Variants in PRR33 observed in about 807,000 individuals in gnomAD.
PRR33 encodes proline rich 33.
In PRR33, 1 loss-of-function variant was observed where a neutral mutation model predicts 0.5. The ratio of observed to expected loss-of-function variants is 2.18; its 90% CI spans 0.77 to 10.34. The LOEUF is 10.34. Among genes scored for constraint, PRR33 ranks in the 30% most tolerant of loss-of-function variants. The pLI, the probability that PRR33 is intolerant of heterozygous loss-of-function variation, is 0.13. For synonymous variants in PRR33, 226 were observed against 110.0 expected (o/e 2.06, Z -6.60); for missense variants, 552 against 251.8 (o/e 2.19, Z -8.07).
the PRR33 span, among the ~76,000 whole-genome samples, chr11:1,899,981 T>A: frequency 6.6e-6 from 1 of 152,042 alleles, no homozygotes; most frequent in Non-Finnish European, 1.5e-5. Flanking sequence ...AGACCAAACA[T>A]TGGTCGTAAA....
the PRR33 span, among the ~76,000 whole-genome samples, chr11:1,912,944 T>A: frequency 6.6e-6 from 1 of 152,186 alleles, no homozygotes; most frequent in East Asian, 1.9e-4. Flanking sequence ...TGATCTTCAT[T>A]AATTTTTATT....
At chr11:1,904,052 T>C in the PRR33 span, among the ~76,000 whole-genome samples, 5 of 152,136 alleles carry the variant, frequency 3.3e-5, no homozygotes, top group African/African-American at 4.8e-5. Context: ...TCAAGCAAAC[T>C]CAGATGGCTC....
chr11:1,914,130 C>T, the PRR33 span, among the ~76,000 whole-genome samples: 1 of 152,274 alleles, frequency 6.6e-6, no homozygotes, highest in Non-Finnish European at 1.5e-5. Context: ...TTGGGCGCAG[C>T]GTAGCTGAGA....
the PRR33 span, among the ~76,000 whole-genome samples, chr11:1,913,018 T>C: frequency 6.6e-6 from 1 of 152,248 alleles, no homozygotes; most frequent in African/African-American, 2.4e-5. Flanking sequence ...TTGGTTTTAG[T>C]GTTTTGTTCA....
At chr11:1,890,861 C>G (rs925846261) in exon 1 of PRR33, 2 of 492,518 alleles carry the variant, frequency 4.1e-6, no homozygotes, top group African/African-American at 3.8e-5. Flanking sequence ...CTCCAGGGCT[C>G]TGTCCTCCAT....
At chr11:1,892,874 G>C (rs1565093661), upstream of PRR33, among the ~76,000 whole-genome samples, 1 of 152,128 alleles carries the variant, frequency 6.6e-6, no homozygotes, top group Non-Finnish European at 1.5e-5. Context: ...GTGAATGGAT[G>C]GGTAGGTGGG....
the PRR33 span, chr11:1,902,620 A>C: frequency 2.6e-5 from 4 of 152,226 alleles, no homozygotes; most frequent in East Asian, 7.7e-4. Context: ...GCTGGAGTGC[A>C]GTGGTGCCAT....
the PRR33 span, among the ~76,000 whole-genome samples, chr11:1,916,536 G>C: frequency 6.6e-6 from 1 of 152,044 alleles, no homozygotes; most frequent in Non-Finnish European, 1.5e-5. Flanking sequence ...CGCTTGGGAC[G>C]GTGACCAAGG....
At chr11:1,913,481 T>C in the PRR33 span, among the ~76,000 whole-genome samples, 12 of 152,108 alleles carry the variant, frequency 7.9e-5, no homozygotes, top group African/African-American at 2.7e-4. Flanking sequence ...GCCTCGCATT[T>C]CCCTCTGTCT....
At chr11:1,892,894 G>A (rs913443756), upstream of PRR33, among the ~76,000 whole-genome samples, 4 of 151,920 alleles carry the variant, frequency 2.6e-5, no homozygotes, top group Non-Finnish European at 5.9e-5. Context: ...GTGAGTGGAT[G>A]AATGGCTGGA....
chr11:1,901,994 AG>A, the PRR33 span, among the ~76,000 whole-genome samples: 95 of 152,300 alleles, frequency 6.2e-4, no homozygotes, highest in African/African-American at 2.2e-3. Flanking sequence ...GCACTTTGGG[AG>A]GCCGAGGCGG....
the PRR33 span, among the ~76,000 whole-genome samples, chr11:1,903,828 A>G: frequency 1.3e-5 from 2 of 152,206 alleles, no homozygotes; most frequent in African/African-American, 4.8e-5. Context: ...AGAAACCAAG[A>G]GAGTAGAACA....
At chr11:1,889,566 C>A in exon 1 of PRR33, 1 of 612,960 alleles carries the variant, frequency 1.6e-6, no homozygotes. Context: ...CCACGTCCAG[C>A]CACTGAGCCG....
the PRR33 span, among the ~76,000 whole-genome samples, chr11:1,898,437 G>A: frequency 2.3e-3 from 343 of 152,126 alleles, no homozygotes; most frequent in African/African-American, 8.0e-3. Flanking sequence ...GGGTTTTGCC[G>A]TGTTGGCCAG....
the PRR33 span, among the ~76,000 whole-genome samples, chr11:1,908,545 CTT>C: frequency 1.3e-5 from 2 of 152,040 alleles, no homozygotes; most frequent in Non-Finnish European, 2.9e-5. Flanking sequence ...ACTTTATACT[CTT>C]GTTTGGGTTT....
the PRR33 span, among the ~76,000 whole-genome samples, chr11:1,911,292 A>G: frequency 6.6e-6 from 1 of 152,038 alleles, no homozygotes; most frequent in Admixed American, 6.6e-5. Context: ...AAATACACAG[A>G]TTAGCTGGGT....
exon 1 of PRR33, chr11:1,889,001 G>T: frequency 1.8e-6 from 1 of 550,716 alleles, no homozygotes; most frequent in East Asian, 3.2e-5. Context: ...AGCACCCCAT[G>T]TGCCCTTCCC....
chr11:1,890,849 G>A, exon 1 of PRR33: 1 of 518,902 alleles, frequency 1.9e-6, no homozygotes, highest in South Asian at 2.7e-5. Context: ...GCTAGAACCT[G>A]CCTCCAGGGC....
At chr11:1,906,055 G>C in the PRR33 span, among the ~76,000 whole-genome samples, 1 of 150,640 alleles carries the variant, frequency 6.6e-6, no homozygotes, top group Admixed American at 6.6e-5. Context: ...TGAACTCCTG[G>C]ACTCAAGGGA....
Sources: gnomAD v4.1 joint callset for allele counts (sites outside exome capture counted in the v4.1 genomes callset) on GRCh38, gnomAD v4.1.1 for gene constraint, MANE v1.5 for transcripts, NCBI Gene and HGNC (gene_info 2026-07-23, HGNC 2026-07-21) for gene names.